Variants in ARHGAP15 observed in about 807,000 individuals in gnomAD.
ARHGAP15 encodes the protein Rho GTPase activating protein 15, also known as rho GTPase-activating protein 15.
In ARHGAP15, 51 loss-of-function variants were observed where a neutral mutation model predicts 63.7. The ratio of observed to expected loss-of-function variants is 0.80; its 90% CI spans 0.64 to 1.01. ARHGAP15 has a LOEUF of 1.01. ARHGAP15 is among the 50% of genes least tolerant of loss of function. ARHGAP15 has a pLI of 0.00. For synonymous variants in ARHGAP15, 191 were observed against 193.8 expected, an observed-to-expected ratio of 0.99 and a Z score of 0.12; for missense variants, 560 against 564.6, an observed-to-expected ratio of 0.99 and a Z score of 0.08.
chr2:143,315,415 T>C (rs1683655802), intron 6 of ARHGAP15, among the ~76,000 whole-genome samples: 1 of 152,196 alleles, frequency 6.6e-6, no homozygotes. Context: ...GATATTATTA[T>C]AATAACAATA....
rs368927439 is a variant in ARHGAP15 at position 143,542,137 on chromosome 2, G to A, written c.926-14271G>A. Among the ~76,000 whole-genome samples, 9 of 152,332 alleles carry A rather than the reference G, an allele frequency of 5.9e-5. No homozygotes were observed. In the East Asian group the frequency reaches 9.7e-4, roughly 16 times the overall value. On this transcript the variant is annotated intron_variant, in intron 10 of 13. Coordinates refer to ENST00000295095, the MANE Select transcript of ARHGAP15 (RefSeq NM_018460.4). The stretch of plus-strand genomic sequence containing the variant: ...AGTTTGATCTCAGAATGCCATGCTA[G>A]CAATGAGCGAGGCTTCGTGGGCGTA...
intron 6 of ARHGAP15, among the ~76,000 whole-genome samples, chr2:143,373,295 C>T (rs1686645044): frequency 6.6e-6 from 1 of 152,060 alleles, no homozygotes; most frequent in East Asian, 1.9e-4. Flanking sequence ...TAATGTGTTC[C>T]AAGAATCCAT....
At chr2:143,632,315 T>C (rs1680080215) in intron 12 of ARHGAP15, among the ~76,000 whole-genome samples, 2 of 152,030 alleles carry the variant, frequency 1.3e-5, no homozygotes, top group African/African-American at 2.4e-5. Context: ...AATAGTAATA[T>C]ATAAAACCAT....
chr2:143,671,723 T>C (rs1436856308), intron 12 of ARHGAP15, among the ~76,000 whole-genome samples: 1 of 152,206 alleles, frequency 6.6e-6, no homozygotes, highest in Admixed American at 6.5e-5. Flanking sequence ...TGAAATCCAG[T>C]TACCCATCAT....
intron 2 of ARHGAP15, among the ~76,000 whole-genome samples, chr2:143,168,352 GT>G (rs1204134008): frequency 3.3e-5 from 5 of 151,868 alleles, no homozygotes; most frequent in Non-Finnish European, 7.4e-5. Flanking sequence ...TGTTTTTCAA[GT>G]TTTTTTGTAG....
intron 10 of ARHGAP15, among the ~76,000 whole-genome samples, chr2:143,541,759 C>T (rs1314710353): frequency 6.6e-6 from 1 of 152,274 alleles, no homozygotes; most frequent in Non-Finnish European, 1.5e-5. Flanking sequence ...GAGGAGTACC[C>T]GGCCGTGTGA....
At position 143,504,316 on chromosome 2, in the gene ARHGAP15, G is replaced by A. The variant is rs1001287188; in HGVS notation, c.827-14950G>A. ...AGGACCTAGCATGTGGCAAGCCATA[G>A]GCTGGGCACTGGGCCTACAAAGATG... On this transcript the variant is annotated intron_variant, in intron 9 of 13. Coordinates refer to ENST00000295095, the MANE Select transcript of ARHGAP15 (RefSeq NM_018460.4). Among the ~76,000 whole-genome samples the A allele has an allele frequency of 4.6e-4, 70 of 152,110 alleles. 2 individuals carry two copies. Among genetic ancestry groups the A allele is most frequent in the Non-Finnish European group, 7.4e-5 (5 of 68,018 alleles).
intron 13 of ARHGAP15, among the ~76,000 whole-genome samples, chr2:143,764,581 C>CT (rs1686885103): frequency 6.6e-6 from 1 of 152,142 alleles, no homozygotes; most frequent in African/African-American, 2.4e-5. Flanking sequence ...CCTGAGTCCC[C>CT]TTTGAGAGCT....
At position 143,309,866 on chromosome 2, in the gene ARHGAP15, T is replaced by TTGTGTG. The variant is rs10562854; in HGVS notation, c.474+59290_474+59295dup. Among the ~76,000 whole-genome samples the TTGTGTG allele has an allele frequency of 1.4e-3, 211 of 149,106 alleles. 1 individual carries two copies. Among genetic ancestry groups the TTGTGTG allele is most frequent in the Middle Eastern group, 3.4e-3 (1 of 292 alleles). ...TTGAGAAACACAGACATATATGAAC[T>TTGTGTG]TGTGTGTGTGTGTGTGTGTGTGTGT... On this transcript the variant is annotated intron_variant, in intron 6 of 13. Transcript: ENST00000295095.
intron 13 of ARHGAP15, among the ~76,000 whole-genome samples, chr2:143,711,861 C>T (rs1203466029): frequency 6.6e-6 from 1 of 152,104 alleles, no homozygotes; most frequent in Non-Finnish European, 1.5e-5. Flanking sequence ...CCCAGGAGTT[C>T]GGAGGCTACA....
chr2:143,407,949 C>T (rs1688272050), intron 6 of ARHGAP15, among the ~76,000 whole-genome samples: 1 of 111,496 alleles, frequency 9.0e-6, no homozygotes, highest in African/African-American at 3.3e-5. Context: ...AATAATTTTT[C>T]TTCTGGTGTG....
chr2:143,158,630 GT>G (rs1690173190), intron 2 of ARHGAP15, among the ~76,000 whole-genome samples: 1 of 151,922 alleles, frequency 6.6e-6, no homozygotes, highest in Admixed American at 6.6e-5. Flanking sequence ...GGGGGAAGTG[GT>G]TTGCAAGAAA....
chr2:143,643,836 A>G (rs1680733339), intron 12 of ARHGAP15, among the ~76,000 whole-genome samples: 1 of 152,118 alleles, frequency 6.6e-6, no homozygotes, highest in African/African-American at 2.4e-5. Flanking sequence ...AAGCTAGATA[A>G]CCAAGAGGAT....
At chr2:143,258,917 A>G (rs1680567249) in intron 6 of ARHGAP15, among the ~76,000 whole-genome samples, 1 of 152,170 alleles carries the variant, frequency 6.6e-6, no homozygotes, top group African/African-American at 2.4e-5. Flanking sequence ...AACTAAAAAA[A>G]TTACAGTGGC....
chr2:143,672,125 C>T (rs1269362444), intron 12 of ARHGAP15, among the ~76,000 whole-genome samples: 1 of 152,076 alleles, frequency 6.6e-6, no homozygotes, highest in Non-Finnish European at 1.5e-5. Flanking sequence ...ATTTTACCTA[C>T]ATAAAGGTAG....
intron 11 of ARHGAP15, among the ~76,000 whole-genome samples, chr2:143,621,156 G>T (rs1698634119): frequency 6.6e-6 from 1 of 152,094 alleles, no homozygotes; most frequent in Non-Finnish European, 1.5e-5. Flanking sequence ...ATTAGATAAA[G>T]GTCAGGGATA....
At chr2:143,483,881 C>T (rs1692190129) in intron 8 of ARHGAP15, among the ~76,000 whole-genome samples, 2 of 152,172 alleles carry the variant, frequency 1.3e-5, no homozygotes, top group Admixed American at 1.3e-4. Flanking sequence ...CCTCTTAGAT[C>T]CTTTAATCTC....
In ARHGAP15 at chr2:143,669,861, A is replaced by T. The variant is rs540264303; in HGVS notation, c.1139-33558A>T. 1.4e-4 allele frequency among the ~76,000 whole-genome samples: 22 copies of T among 152,326 alleles called. No individual in the cohort carries two copies. In the East Asian group the frequency reaches 4.2e-3, roughly 29 times the overall value. ...GGGCTCCAGTATGGAGGGAGCCAGG[A>T]TATATCTGATCTGAGAACACCAAAA... On this transcript the variant is annotated intron_variant, in intron 12 of 13. Coordinates refer to ENST00000295095, the MANE Select transcript of ARHGAP15 (RefSeq NM_018460.4).
At chr2:143,281,140 A>C (rs1264991262) in intron 6 of ARHGAP15, among the ~76,000 whole-genome samples, 4 of 152,148 alleles carry the variant, frequency 2.6e-5, no homozygotes, top group African/African-American at 9.7e-5. Flanking sequence ...ATAATTAGTA[A>C]GTGGTAAAAG....
Sources: gnomAD v4.1 joint callset for allele counts (sites outside exome capture counted in the v4.1 genomes callset) on GRCh38, gnomAD v4.1.1 for gene constraint, MANE v1.5 for transcripts, NCBI Gene and HGNC (gene_info 2026-07-23, HGNC 2026-07-21) for gene names.